The following FOXN3 variants were observed in gnomAD, a reference collection of about 807,000 sequenced individuals.
FOXN3 encodes the protein forkhead box N3.
A neutral mutation model predicts 38.4 loss-of-function variants in FOXN3; 7 were observed. The ratio of observed to expected loss-of-function variants is 0.18; its 90% CI spans 0.10 to 0.34. The LOEUF (loss-of-function observed/expected upper bound fraction) is 0.34. Among genes scored for constraint, FOXN3 ranks in the 10% least tolerant of loss-of-function variants. The pLI is 1.00. For synonymous variants in FOXN3, 230 were observed against 242.2 expected, an observed-to-expected ratio of 0.95 and a Z score of 0.47; for missense variants, 456 against 613.4, an observed-to-expected ratio of 0.74 and a Z score of 2.71.
chr14:89,288,708 CTCTCTCTCTCTCTCTCTATA>C (rs1886739648), intron 3 of FOXN3, among the ~76,000 whole-genome samples: 5 of 81,810 alleles, frequency 6.1e-5, no homozygotes, highest in African/African-American at 1.4e-4. Context: ...CTCTCTCTCT[CTCTCTCTCTCTCTCTCTATA>C]TATATATATA....
chr14:89,234,051 C>A (rs1158112881), intron 4 of FOXN3, among the ~76,000 whole-genome samples: 2 of 152,142 alleles, frequency 1.3e-5, no homozygotes, highest in African/African-American at 2.4e-5. Flanking sequence ...AGCCACAGTG[C>A]CCCTCGGATC....
At chr14:89,264,645 G>T (rs183627205) in intron 4 of FOXN3, among the ~76,000 whole-genome samples, 1 of 152,088 alleles carries the variant, frequency 6.6e-6, no homozygotes. Flanking sequence ...AGAAGAGCAG[G>T]AACACCCTCA....
chr14:89,445,028 T>C (rs1385949854), intron 1 of FOXN3, among the ~76,000 whole-genome samples: 1 of 151,762 alleles, frequency 6.6e-6, no homozygotes, highest in African/African-American at 2.4e-5. Flanking sequence ...AAGGCTGAAA[T>C]GGGAGATCGC....
At chr14:89,233,972 C>T (rs551602801) in intron 4 of FOXN3, among the ~76,000 whole-genome samples, 16 of 152,258 alleles carry the variant, frequency 1.1e-4, no homozygotes, top group African/African-American at 3.6e-4. Context: ...TTCACTCCAT[C>T]CTCCCCTCAC....
chr14:89,324,447 T>C (rs544347496), intron 3 of FOXN3, among the ~76,000 whole-genome samples: 67 of 53,000 alleles, frequency 1.3e-3, no homozygotes, highest in South Asian at 2.2e-3. Flanking sequence ...TGTGTGCGTG[T>C]GTGTGTGTGT....
upstream of FOXN3, chr14:89,417,764 G>A (rs1404243939): frequency 1.5e-5 from 7 of 455,602 alleles, no homozygotes; most frequent in Admixed American, 1.2e-4. Flanking sequence ...GGCCTTCCGA[G>A]CCCTCTCCCA....
chr14:89,350,307 G>A (rs183441141), intron 3 of FOXN3: 24 of 161,762 alleles, frequency 1.5e-4, no homozygotes, highest in Non-Finnish European at 2.4e-4. Context: ...TGCAGAGACC[G>A]GCCAGATGAG....
At chr14:89,354,860 A>C (rs899761175) in intron 2 of FOXN3, among the ~76,000 whole-genome samples, 6 of 151,852 alleles carry the variant, frequency 4.0e-5, no homozygotes, top group African/African-American at 1.4e-4. Flanking sequence ...GTCTCAAAAA[A>C]TAAATAAATA....
Position 89,217,843 on chromosome 14 carries a change from A to G in FOXN3, c.746-37037T>C, listed in dbSNP as rs1225849853. ...CTCCTGTTTGTGGGAGCCCTCCCCA[A>G]TGCTGAGCCTGCAGCACTGCTGCCG... is the stretch of plus-strand genomic sequence containing the variant. On this transcript the variant is annotated intron_variant, in intron 4 of 5. Transcript: ENST00000557258. Among the ~76,000 whole-genome samples the G allele has an allele frequency of 7.9e-5, 12 of 152,224 alleles. No homozygotes were observed. The East Asian group carries it at 1.9e-3, about 25-fold the overall frequency.
At chr14:89,186,350 G>C (rs1445718674) in intron 4 of FOXN3, among the ~76,000 whole-genome samples, 1 of 151,838 alleles carries the variant, frequency 6.6e-6, no homozygotes, top group Non-Finnish European at 1.5e-5. Context: ...TATCTAGTTT[G>C]TCTCTGGGAA....
At chr14:89,509,623 C>T (rs1894016295) in intron 1 of FOXN3, among the ~76,000 whole-genome samples, 1 of 152,252 alleles carries the variant, frequency 6.6e-6, no homozygotes, top group Non-Finnish European at 1.5e-5. Context: ...GCATGATCCA[C>T]CACGCCCAGC....
chr14:89,514,511 G>C (rs1016330113), intron 1 of FOXN3, among the ~76,000 whole-genome samples: 2 of 152,168 alleles, frequency 1.3e-5, no homozygotes, highest in Non-Finnish European at 2.9e-5. Context: ...CTGAGAGCTA[G>C]AGCCTTAGAC....
chr14:89,552,485 G>T, intron 1 of FOXN3, among the ~76,000 whole-genome samples: 1 of 152,196 alleles, frequency 6.6e-6, no homozygotes. Flanking sequence ...ACTCTAAATT[G>T]TCTATGTACA....
At chr14:89,226,208 A>G (rs1884636166) in intron 4 of FOXN3, among the ~76,000 whole-genome samples, 1 of 150,334 alleles carries the variant, frequency 6.7e-6, no homozygotes, top group Non-Finnish European at 1.5e-5. Flanking sequence ...AGGGAGAGGG[A>G]AAAGGAGAGG....
chr14:89,276,816 C>A (rs1886313644), intron 4 of FOXN3, among the ~76,000 whole-genome samples: 1 of 152,156 alleles, frequency 6.6e-6, no homozygotes, highest in African/African-American at 2.4e-5. Context: ...GAACAAAACT[C>A]CGTGGGGAGC....
chr14:89,331,256 T>C (rs1019374194), intron 3 of FOXN3, among the ~76,000 whole-genome samples: 3 of 152,196 alleles, frequency 2.0e-5, no homozygotes, highest in Non-Finnish European at 4.4e-5. Context: ...TCTGTCTCTA[T>C]GTTATTTGTC....
chr14:89,411,631 A>C (rs1404047835), intron 2 of FOXN3, among the ~76,000 whole-genome samples: 1 of 152,240 alleles, frequency 6.6e-6, no homozygotes, highest in Admixed American at 6.5e-5. Flanking sequence ...CTAAAACCAA[A>C]GTGACCCATC....
intron 4 of FOXN3, among the ~76,000 whole-genome samples, chr14:89,280,581 T>C (rs185829956): frequency 2.0e-5 from 3 of 152,366 alleles, no homozygotes; most frequent in Middle Eastern, 3.4e-3. Flanking sequence ...GCTCAAGTTT[T>C]TGAAACATGT....
At chr14:89,579,218 A>T (rs1192190171) in intron 1 of FOXN3, among the ~76,000 whole-genome samples, 2 of 145,136 alleles carry the variant, frequency 1.4e-5, no homozygotes, top group African/African-American at 5.2e-5. Flanking sequence ...TGGCATGATC[A>T]TGGCTCACTG....
Sources: gnomAD v4.1 joint callset for allele counts (sites outside exome capture counted in the v4.1 genomes callset) on GRCh38, gnomAD v4.1.1 for gene constraint, MANE v1.5 for transcripts, NCBI Gene and HGNC (gene_info 2026-07-23, HGNC 2026-07-21) for gene names.